Variants in OPA3 observed in about 807,000 individuals in gnomAD.
OPA3 encodes optic atrophy 3 protein.
Under a neutral mutation model 4.0 loss-of-function variants are expected in OPA3, and 6 were observed. The ratio of observed to expected loss-of-function variants is 1.51; its 90% CI spans 0.83 to 2.99. The LOEUF is 2.99. Ranked by LOEUF, OPA3 falls within the 30% of genes most tolerant of loss-of-function variation. OPA3 has a pLI of 0.00. For missense variants in OPA3, 235 were observed against 256.2 expected (o/e 0.92, Z 0.56); for synonymous variants, 105 against 117.1 (o/e 0.90, Z 0.67).
At chr19:45,570,485 C>G (rs939702030) in intron 1 of OPA3, among the ~76,000 whole-genome samples, 1 of 152,044 alleles carries the variant, frequency 6.6e-6, no homozygotes, top group African/African-American at 2.4e-5. Flanking sequence ...GAGTTCGAGA[C>G]CAGCCTGGCC....
At chr19:45,540,031 A>G (rs1390864633) in intron 1 of OPA3, among the ~76,000 whole-genome samples, 1 of 152,048 alleles carries the variant, frequency 6.6e-6, no homozygotes, top group Non-Finnish European at 1.5e-5. Flanking sequence ...AAAATGGGTG[A>G]GTTTCGGCCA....
At chr19:45,558,204 C>T (rs1969449318) in intron 1 of OPA3, among the ~76,000 whole-genome samples, 1 of 151,908 alleles carries the variant, frequency 6.6e-6, no homozygotes, top group African/African-American at 2.4e-5. Flanking sequence ...TGGTGGGAGG[C>T]CCCTGTAATC....
At chr19:45,575,722 G>A (rs1417015375) in intron 1 of OPA3, among the ~76,000 whole-genome samples, 1 of 152,114 alleles carries the variant, frequency 6.6e-6, no homozygotes, top group Non-Finnish European at 1.5e-5. Context: ...TCCTGCCGCA[G>A]CCTCCTGAGT....
intron 1 of OPA3, among the ~76,000 whole-genome samples, chr19:45,535,588 G>A (rs1969106963): frequency 6.6e-6 from 1 of 151,532 alleles, no homozygotes; most frequent in South Asian, 2.1e-4. Flanking sequence ...CGAACTCCTG[G>A]GCTCAAGCGA....
At chr19:45,535,541 T>TAAAGA (rs1336144258) in intron 1 of OPA3, among the ~76,000 whole-genome samples, 1 of 151,704 alleles carries the variant, frequency 6.6e-6, no homozygotes, top group African/African-American at 2.4e-5. Flanking sequence ...TAATTTTCTG[T>TAAAGA]AAAGACAGGG....
intron 1 of OPA3, among the ~76,000 whole-genome samples, chr19:45,558,937 G>T (rs899722323): frequency 2.0e-5 from 3 of 152,018 alleles, no homozygotes; most frequent in Admixed American, 2.0e-4. Flanking sequence ...AGGCTGGAGT[G>T]CAGTGGCTTG....
intron 1 of OPA3, among the ~76,000 whole-genome samples, chr19:45,575,718 C>G (rs116644246): frequency 6.6e-6 from 1 of 152,102 alleles, no homozygotes; most frequent in Non-Finnish European, 1.5e-5. Flanking sequence ...GCAATCCTGC[C>G]GCAGCCTCCT....
chr19:45,573,688 T>C (rs1969722652), intron 1 of OPA3, among the ~76,000 whole-genome samples: 1 of 151,944 alleles, frequency 6.6e-6, no homozygotes, highest in African/African-American at 2.4e-5. Context: ...CAGTAAACAG[T>C]AAACACTGTT....
chr19:45,565,917 C>T (rs535161957), intron 1 of OPA3, among the ~76,000 whole-genome samples: 19 of 152,142 alleles, frequency 1.2e-4, no homozygotes, highest in Non-Finnish European at 2.4e-4. Flanking sequence ...TGCCACTGTA[C>T]TGCAGCCTGG....
At chr19:45,580,692 C>T (rs1969841903) in intron 1 of OPA3, among the ~76,000 whole-genome samples, 1 of 151,066 alleles carries the variant, frequency 6.6e-6, no homozygotes, top group East Asian at 1.9e-4. Flanking sequence ...GATCTTGGCT[C>T]ACTGCAACCT....
rs546383446 is a variant in OPA3 at position 45,546,522 on chromosome 19, G to A, written c.*6992C>T. 4.7e-4 allele frequency: 203 copies of A among 433,086 alleles called. No individual in the cohort carries two copies. The highest frequency in any genetic ancestry group is 4.3e-3 in the African/African-American group (200 of 46,444). 26.8% of individuals were successfully genotyped at this position (433,086 alleles called of 1,614,324 possible). On this transcript the variant is annotated 3_prime_UTR_variant, in exon 2 of 2. Transcript: ENST00000263275. ...TGCTTTTTTTTTTTTTTGAGACAGG[G>A]TCTCACTTTGTCTCCCAGGTTGAGG...
intron 1 of OPA3, among the ~76,000 whole-genome samples, chr19:45,555,780 C>A (rs911996272): frequency 6.6e-6 from 1 of 152,012 alleles, no homozygotes; most frequent in Admixed American, 6.6e-5. Context: ...CGTGAGCCAC[C>A]GTGCCTAGTC....
Position 45,574,032 on chromosome 19 carries a change from A to G in OPA3, c.142+10591T>C, listed in dbSNP as rs186786922. 1.5e-3 allele frequency among the ~76,000 whole-genome samples: 222 copies of G among 147,676 alleles called. 1 individual carries two copies. Among genetic ancestry groups the G allele is most frequent in the African/African-American group, 4.7e-3 (186 of 39,740 alleles). On this transcript the variant is annotated intron_variant, in intron 1 of 1. Coordinates refer to ENST00000263275, the MANE Select transcript of OPA3 (RefSeq NM_025136.4). ...ACAAAAATTAGCTGGGCGTGGTGGCAGGCGCCTGTAATCCCAGCTACTCAG... is the reference window on the plus strand; with the variant it reads ...ACAAAAATTAGCTGGGCGTGGTGGCGGGCGCCTGTAATCCCAGCTACTCAG...
In OPA3 at chr19:45,550,817, GGACA is replaced by G. The variant is rs1969321548; in HGVS notation, c.*2693_*2696del. ...TCTAATGAGAGAGCTACAGTCGGAA[GGACA>G]GACTGCAGGCTACTGGGACCCACCC... On this transcript the variant is annotated 3_prime_UTR_variant, in exon 2 of 2. Coordinates refer to ENST00000263275, the MANE Select transcript of OPA3 (RefSeq NM_025136.4). 1 of 986,070 alleles carries G rather than the reference GGACA, an allele frequency of 1.0e-6. No individual in the cohort carries two copies. Among genetic ancestry groups the G allele is most frequent in the Non-Finnish European group, 1.2e-6 (1 of 830,128 alleles). 61.1% of individuals were successfully genotyped at this position (986,070 alleles called of 1,614,324 possible).
chr19:45,540,734 C>T lies in OPA3; in HGVS notation c.143-11278G>A, dbSNP rs574313643. Among the ~76,000 whole-genome samples the T allele has an allele frequency of 1.0e-4, 15 of 150,238 alleles. No individual in the cohort carries two copies. In the Middle Eastern group the frequency reaches 0.017, roughly 170 times the overall value. On this transcript the variant is annotated intron_variant, in intron 1 of 1. Transcript: ENST00000323060. Reference sequence around the variant, plus strand: ...AGGAGAATCACTTGAACCTGGGAGGCGGAGAATGCAGTGAGCCAAGATGGC... The same window carrying T: ...AGGAGAATCACTTGAACCTGGGAGGTGGAGAATGCAGTGAGCCAAGATGGC...
intron 1 of OPA3, chr19:45,529,527 C>CGATGTCCCCGTTGTAGCAATGGG: frequency 6.4e-7 from 1 of 1,571,812 alleles, no homozygotes; most frequent in Non-Finnish European, 8.7e-7. Flanking sequence ...CTCTGTGCTT[C>CGATGTCCCCGTTGTAGCAATGGG]GATGTCCCCG....
chr19:45,553,696 T>C lies in OPA3; in HGVS notation c.358A>G (p.Asn120Asp). 1 of 1,607,520 alleles carries C rather than the reference T, an allele frequency of 6.2e-7. No individual in the cohort carries two copies. The highest frequency in any genetic ancestry group is 1.3e-5 in the African/African-American group (1 of 75,026). ...HKEEEQRAAW[N>D]ALRDEVGHLA... ...TGGCCCACCTCGTCCCGCAGCGCGT[T>C]CCAGGCAGCACGCTGCTCCTCCTCC... The change falls in exon 2 of 2, where the codon AAC (asparagine) becomes GAC (aspartate). Residue 120 changes from asparagine to aspartate, a missense_variant. Asn to Asp is a conservative substitution (Grantham distance 23). Transcript: ENST00000263275.
intron 1 of OPA3, chr19:45,529,463 G>C (rs774908524): frequency 1.6e-5 from 26 of 1,611,692 alleles, no homozygotes; most frequent in African/African-American, 4.0e-5. Context: ...TACACTGCAG[G>C]AAAAGACAGG....
intron 1 of OPA3, among the ~76,000 whole-genome samples, chr19:45,572,355 T>A (rs1272173733): frequency 7.3e-6 from 1 of 136,804 alleles, no homozygotes; most frequent in African/African-American, 2.6e-5. Flanking sequence ...TATATCGACA[T>A]ATATGAGATA....
Sources: gnomAD v4.1 joint callset for allele counts (sites outside exome capture counted in the v4.1 genomes callset) on GRCh38, gnomAD v4.1.1 for gene constraint, MANE v1.5 for transcripts, NCBI Gene and HGNC (gene_info 2026-07-23, HGNC 2026-07-21) for gene names.